Variants in FSCN1 observed in about 807,000 individuals in gnomAD.
FSCN1 encodes the protein fascin.
Under a neutral mutation model 39.7 loss-of-function variants are expected in FSCN1, and 10 were observed. The observed-to-expected ratio is 0.25, with a 90% CI of 0.16 to 0.43. FSCN1 has a LOEUF of 0.43. Ranked by LOEUF, FSCN1 falls within the 20% of genes least tolerant of loss-of-function variation. The probability of loss-of-function intolerance (pLI) is 1.00; values close to 1 mark genes in which losing one functional copy is unlikely to be tolerated. For missense variants in FSCN1, 525 were observed against 723.8 expected (o/e 0.73, Z 3.15); for synonymous variants, 322 against 320.0 (o/e 1.01, Z -0.07).
chr7:5,593,710 G>T lies in FSCN1; in HGVS notation c.774G>T (p.Gln258His). Residue 258 changes from glutamine to histidine, a missense_variant, in exon 1 of 5, where the codon CAG becomes CAT. This residue lies in a region of FSCN1 where 275 missense variants were observed against 351.9 expected (regional missense o/e 0.78). Coordinates refer to ENST00000382361, the MANE Select transcript of FSCN1 (RefSeq NM_003088.4). ...AGGACGAGCTCTTTGCTCTGGAGCA[G>T]AGCTGCGCCCAGGTCGTGCTGCAGG... ...VGKDELFALE[Q>H]SCAQVVLQAA... 4.4e-6 allele frequency: 7 copies of T among 1,594,268 alleles called. No individual in the cohort carries two copies. The South Asian group carries it at 6.7e-5, about 15-fold the overall frequency.
At chr7:5,594,037 C>A in intron 1 of FSCN1, 1 of 467,814 alleles carries the variant, frequency 2.1e-6, no homozygotes, top group Non-Finnish European at 3.7e-6. Context: ...CGTACGTGCA[C>A]CCTCCTAACC....
Position 5,593,680 on chromosome 7 carries a change from G to A in FSCN1, c.744G>A (p.Val248=), listed in dbSNP as rs1785674845. Residue 248 remains valine (V), a synonymous_variant, in exon 1 of 5, where the codon GTG becomes GTA. Coordinates refer to ENST00000382361, the MANE Select transcript of FSCN1 (RefSeq NM_003088.4). The part of the protein sequence containing the change: ...GTLKAGKATK[V]GKDELFALEQ... Reference sequence around the variant, plus strand: ...TCAAGGCGGGCAAGGCCACCAAGGTGGGCAAGGACGAGCTCTTTGCTCTGG... The same window carrying A: ...TCAAGGCGGGCAAGGCCACCAAGGTAGGCAAGGACGAGCTCTTTGCTCTGG... 7 of 1,589,434 alleles carry A rather than the reference G, an allele frequency of 4.4e-6. No individual in the cohort carries two copies. The highest frequency in any genetic ancestry group is 5.1e-6 in the Non-Finnish European group (6 of 1,174,562).
chr7:5,604,889 A>G (rs1785904654), intron 4 of FSCN1, among the ~76,000 whole-genome samples: 1 of 152,058 alleles, frequency 6.6e-6, no homozygotes, highest in East Asian at 1.9e-4. Flanking sequence ...CGCCCACCTC[A>G]GCCTCCCACA....
intron 1 of FSCN1, among the ~76,000 whole-genome samples, chr7:5,595,127 C>T (rs1488129477): frequency 6.6e-6 from 1 of 152,218 alleles, no homozygotes; most frequent in East Asian, 1.9e-4. Context: ...CAGTTTGTGT[C>T]CTCATCCCTC....
intron 4 of FSCN1, among the ~76,000 whole-genome samples, 188 bp downstream of exon 4, chr7:5,604,218 G>A (rs1785887955): frequency 6.6e-6 from 1 of 151,430 alleles, no homozygotes; most frequent in Non-Finnish European, 1.5e-5. Flanking sequence ...TTTCCCTCTT[G>A]TCTGTGTGGT....
At chr7:5,601,492 C>T (rs1187927499) in intron 1 of FSCN1, among the ~76,000 whole-genome samples, 1 of 151,900 alleles carries the variant, frequency 6.6e-6, no homozygotes, top group African/African-American at 2.4e-5. Flanking sequence ...CGTGAGCCGC[C>T]GTGGCAACCC....
At position 5,592,846 on chromosome 7, in the gene FSCN1, G is replaced by C. The variant is rs1438052580; in HGVS notation, c.-91G>C. 2.7e-6 allele frequency: 2 copies of C among 738,750 alleles called. No homozygotes were observed. Among genetic ancestry groups the C allele is most frequent in the Admixed American group, 3.2e-5 (1 of 31,214 alleles). 45.8% of individuals were successfully genotyped at this position (738,750 alleles called of 1,614,324 possible). The stretch of plus-strand genomic sequence containing the variant: ...GCGCTGCGGAGGGTGCGTGCGGGCC[G>C]CGGCAGCCGAACAAAGGAGCAGGGG... On this transcript the variant is annotated 5_prime_UTR_variant, in exon 1 of 5. Transcript: ENST00000382361. This position sits in a 1 kb window ranked among gnomAD's most constrained non-coding sequence, Gnocchi z 5.3.
rs1411263453 is a variant in FSCN1 at position 5,606,306 on chromosome 7, GGCGTCTCAGCACCCTCCCCAGGGGGT to G, written c.*835_*860del. On this transcript the variant is annotated 3_prime_UTR_variant, in exon 5 of 5. Coordinates refer to ENST00000382361, the MANE Select transcript of FSCN1 (RefSeq NM_003088.4). This position sits in a 1 kb window ranked among gnomAD's most constrained non-coding sequence, Gnocchi z 5.1. ...TGTAGTAGCGAGTGATCTGGCGGGG[GGCGTCTCAGCACCCTCCCCAGGGGGT>G]GCATCTCAGCCCCCTCTTTCCGTCC... 1.3e-5 allele frequency: 2 copies of G among 152,104 alleles called. No homozygotes were observed. The highest frequency in any genetic ancestry group is 2.9e-5 in the Non-Finnish European group (2 of 68,018). 9.4% of individuals were successfully genotyped at this position (152,104 alleles called of 1,614,324 possible).
chr7:5,605,542 C>T lies in FSCN1; in HGVS notation c.*68C>T. On this transcript the variant is annotated 3_prime_UTR_variant, in exon 5 of 5. Coordinates refer to ENST00000382361, the MANE Select transcript of FSCN1 (RefSeq NM_003088.4). This position sits in a 1 kb window ranked among gnomAD's most constrained non-coding sequence, Gnocchi z 6.9. ...TGCCAACCCTCCCTGCTAACCCCTTCTCCGCCAGGTGGGCTCCAGGGCGGG... is the reference window on the plus strand; with the variant it reads ...TGCCAACCCTCCCTGCTAACCCCTTTTCCGCCAGGTGGGCTCCAGGGCGGG... 1 of 1,209,740 alleles carries T rather than the reference C, an allele frequency of 8.3e-7. No homozygotes were observed. Among genetic ancestry groups the T allele is most frequent in the Non-Finnish European group, 1.1e-6 (1 of 870,742 alleles). 74.9% of individuals were successfully genotyped at this position (1,209,740 alleles called of 1,614,324 possible).
intron 1 of FSCN1, among the ~76,000 whole-genome samples, chr7:5,601,826 C>T (rs1221191339): frequency 6.6e-6 from 1 of 151,424 alleles, no homozygotes; most frequent in African/African-American, 2.4e-5. Flanking sequence ...GGCAACAGAG[C>T]AAGACCCTGA....
Position 5,593,134 on chromosome 7 carries a change from G to C in FSCN1, c.198G>C (p.Leu66=), listed in dbSNP as rs762053399. 5 of 1,603,808 alleles carry C rather than the reference G, an allele frequency of 3.1e-6. No homozygotes were observed. In the South Asian group the frequency reaches 4.4e-5, roughly 14 times the overall value. Residue 66 remains leucine (L), a synonymous_variant, in exon 1 of 5, where the codon CTG becomes CTC. Transcript: ENST00000382361. ...GSAAVCLRSH[L]GRYLAADKDG... ...CGGCCGTGTGCCTGCGCAGCCACCTGGGCCGCTACCTGGCGGCGGACAAGG... is the reference window on the plus strand; with the variant it reads ...CGGCCGTGTGCCTGCGCAGCCACCTCGGCCGCTACCTGGCGGCGGACAAGG...
At chr7:5,595,790 C>T (rs1785719415) in intron 1 of FSCN1, among the ~76,000 whole-genome samples, 1 of 152,190 alleles carries the variant, frequency 6.6e-6, no homozygotes, top group Admixed American at 6.5e-5. Context: ...GTTGCAGCCA[C>T]AGCCTCCCGT....
In FSCN1 at chr7:5,606,246, A is replaced by G. The variant is rs1785931104; in HGVS notation, c.*772A>G. The G allele has an allele frequency of 1.3e-5, 2 of 152,092 alleles. No homozygotes were observed. Among genetic ancestry groups the G allele is most frequent in the African/African-American group, 4.8e-5 (2 of 41,394 alleles). 9.4% of individuals were successfully genotyped at this position (152,092 alleles called of 1,614,324 possible). On this transcript the variant is annotated 3_prime_UTR_variant, in exon 5 of 5. Transcript: ENST00000382361. The surrounding 1 kb of genome is among the most constrained non-coding windows in gnomAD (Gnocchi z 5.1). ...CCAAATCAGTATTTTTTTTAATGAA[A>G]TATTATTGCTGGAGGCGTCCCAGGC...
chr7:5,593,167 C>T lies in FSCN1; in HGVS notation c.231C>T (p.Asn77=). 6.2e-7 allele frequency: 1 copy of T among 1,603,344 alleles called. No homozygotes were observed. The highest frequency in any genetic ancestry group is 8.5e-7 in the Non-Finnish European group (1 of 1,176,206). The change falls in exon 1 of 5, where the codon AAC becomes AAT. Residue 77 remains asparagine (N), a synonymous_variant. Coordinates refer to ENST00000382361, the MANE Select transcript of FSCN1 (RefSeq NM_003088.4). The part of the protein sequence containing the change: ...GRYLAADKDG[N]VTCEREVPGP... The stretch of plus-strand genomic sequence containing the variant: ...ACCTGGCGGCGGACAAGGACGGCAA[C>T]GTGACCTGCGAGCGCGAGGTGCCCG...
At position 5,605,483 on chromosome 7, in the gene FSCN1, C is replaced by T. The variant is rs116867877; in HGVS notation, c.*9C>T. 38,851 of 1,533,382 alleles carry T rather than the reference C, an allele frequency of 0.025. 581 individuals carry two copies. Among genetic ancestry groups the T allele is most frequent in the Non-Finnish European group, 0.03 (34,322 of 1,134,884 alleles). 95.0% of individuals were successfully genotyped at this position (1,533,382 alleles called of 1,614,324 possible). On this transcript the variant is annotated 3_prime_UTR_variant, in exon 5 of 5. Transcript: ENST00000382361. The surrounding 1 kb of genome is among the most constrained non-coding windows in gnomAD (Gnocchi z 6.9). The stretch of plus-strand genomic sequence containing the variant: ...CGCTCTGGGAGTACTAGGGCCGGCC[C>T]GTCCTTCCCCGCCCCTGCCCACATG...
At chr7:5,604,078 G>T in intron 4 of FSCN1, 48 bp downstream of exon 4, 1 of 1,581,494 alleles carries the variant, frequency 6.3e-7, no homozygotes. Flanking sequence ...CCTCGGTCGG[G>T]GCTGGGGTCA....
rs749163283 is a variant in FSCN1, at chr7:5,603,266, T to C, written c.842T>C (p.Leu281Pro). The C allele has an allele frequency of 6.2e-7, 1 of 1,612,038 alleles. No homozygotes were observed. Among genetic ancestry groups the C allele is most frequent in the Non-Finnish European group, 8.5e-7 (1 of 1,179,936 alleles). Residue 281 changes from leucine to proline, a missense_variant, in exon 2 of 5, where the codon CTG (leucine) becomes CCG (proline). Leu to Pro is a moderately conservative substitution (Grantham distance 98). Coordinates refer to ENST00000382361, the MANE Select transcript of FSCN1 (RefSeq NM_003088.4). The surrounding 1 kb of genome is among the most constrained non-coding windows in gnomAD (Gnocchi z 8.5). ...GGCCTCCTCTCTGCAGGTATGGACC[T>C]GTCTGCCAATCAGGACGAGGAGACC... ...RNVSTRQGMD[L>P]SANQDEETDQ...
chr7:5,604,625 C>T (rs1346503232), intron 4 of FSCN1, among the ~76,000 whole-genome samples: 5 of 149,928 alleles, frequency 3.3e-5, no homozygotes, highest in East Asian at 3.9e-4. Flanking sequence ...TGCACCACCA[C>T]GCCTGGCTAA....
Position 5,593,275 on chromosome 7 carries a change from C to A in FSCN1, c.339C>A (p.Gly113=). 6.2e-7 allele frequency: 1 copy of A among 1,609,588 alleles called. No individual in the cohort carries two copies. The highest frequency in any genetic ancestry group is 1.1e-5 in the South Asian group (1 of 90,766). Residue 113 remains glycine, a synonymous_variant, in exon 1 of 5, where the codon GGC becomes GGA. Transcript: ENST00000382361. ...CCGAGGCGCACCGGCGCTACTTCGGCGGCACCGAGGACCGCCTGTCCTGCT... is the reference window on the plus strand; with the variant it reads ...CCGAGGCGCACCGGCGCTACTTCGGAGGCACCGAGGACCGCCTGTCCTGCT... The part of the protein sequence containing the change: ...LQSEAHRRYF[G]GTEDRLSCFA...
Sources: allele counts gnomAD v4.1 joint callset (sites outside exome capture counted in the v4.1 genomes callset), GRCh38; gene constraint gnomAD v4.1.1; regional missense constraint gnomAD v4.1.1; non-coding constraint Gnocchi (gnomAD v3.1); transcripts MANE v1.5; gene names NCBI Gene and HGNC (gene_info 2026-07-23, HGNC 2026-07-21).